LRP8: variants seen among roughly 807,000 people sequenced by gnomAD.
LRP8 encodes the protein low-density lipoprotein receptor-related protein 8.
LRP8 carries 46 observed loss-of-function variants against 111.6 expected under a neutral mutation model. The ratio of observed to expected loss-of-function variants is 0.41; its 90% CI spans 0.33 to 0.53. The LOEUF (loss-of-function observed/expected upper bound fraction) is 0.53, where lower values mean the gene tolerates loss of function less well. Among genes scored for constraint, LRP8 ranks in the 20% least tolerant of loss-of-function variants. The probability of loss-of-function intolerance (pLI) is 0.20; values close to 1 mark genes in which losing one functional copy is unlikely to be tolerated. For synonymous variants in LRP8, 464 were observed against 511.2 expected (o/e 0.91, Z 1.24); for missense variants, 959 against 1,297.4 (o/e 0.74, Z 4.01).
At chr1:53,288,762 C>T (rs998101214) in intron 3 of LRP8, among the ~76,000 whole-genome samples, 5 of 152,190 alleles carry the variant, frequency 3.3e-5, no homozygotes, top group Admixed American at 6.5e-5. Context: ...CTCGGGCTCA[C>T]GCTGCTGAAG....
intron 3 of LRP8, among the ~76,000 whole-genome samples, chr1:53,285,965 G>A (rs552948472): frequency 6.6e-6 from 1 of 152,322 alleles, no homozygotes; most frequent in East Asian, 1.9e-4. Flanking sequence ...TAAATTCCCA[G>A]AGAATCCTGC....
chr1:53,291,661 C>G (rs1249746617), intron 2 of LRP8: 4 of 152,174 alleles, frequency 2.6e-5, no homozygotes, highest in African/African-American at 9.7e-5. Flanking sequence ...GGTTGGCAAA[C>G]TTTTTCTGTG....
Position 53,250,563 on chromosome 1 carries a change from G to T in LRP8, c.2676+127C>A. The T allele has an allele frequency of 1.3e-6, 1 of 751,526 alleles. No individual in the cohort carries two copies. Among genetic ancestry groups the T allele is most frequent in the Non-Finnish European group, 2.2e-6 (1 of 458,166 alleles). The allele number at this position is 751,526 out of a possible 1,614,324, so 46.6% of individuals were successfully genotyped here. ...GGAGGGAAGGACGGAAGGAAAGGAGGGAGGGAAGGACGGAAGGAAGGAAGG... is the reference window on the plus strand; with the variant it reads ...GGAGGGAAGGACGGAAGGAAAGGAGTGAGGGAAGGACGGAAGGAAGGAAGG... On this transcript the variant is annotated intron_variant, in intron 17 of 18. Coordinates refer to ENST00000306052, the MANE Select transcript of LRP8 (RefSeq NM_004631.5). The surrounding 1 kb of genome is among the most constrained non-coding windows in gnomAD (Gnocchi z 4.6).
chr1:53,317,838 G>A lies in LRP8; in HGVS notation c.244+9035C>T, dbSNP rs1465893562. Among the ~76,000 whole-genome samples the A allele has an allele frequency of 6.6e-6, 1 of 152,222 alleles. No individual in the cohort carries two copies. The highest frequency in any genetic ancestry group is 2.4e-5 in the African/African-American group (1 of 41,452). Reference sequence around the variant, plus strand: ...GTGAGTGCAGGAAGAAGGCAGAAGGGAAAGTCACCCAAGGAACCTGGGCCT... The same window carrying A: ...GTGAGTGCAGGAAGAAGGCAGAAGGAAAAGTCACCCAAGGAACCTGGGCCT... On this transcript the variant is annotated intron_variant, in intron 2 of 18. Coordinates refer to ENST00000306052, the MANE Select transcript of LRP8 (RefSeq NM_004631.5). This position sits in a 1 kb window ranked among gnomAD's most constrained non-coding sequence, Gnocchi z 4.9.
Position 53,258,115 on chromosome 1 carries a change from T to C in LRP8, c.2209+204A>G, listed in dbSNP as rs549296056. Reference sequence around the variant, plus strand: ...TTTATGTATATGTGCATTTTTTCCTTGGGAGTGAGAAAAAGCTTTGGAAGG... The same window carrying C: ...TTTATGTATATGTGCATTTTTTCCTCGGGAGTGAGAAAAAGCTTTGGAAGG... On this transcript the variant is annotated intron_variant, in intron 14 of 18. Coordinates refer to ENST00000306052, the MANE Select transcript of LRP8 (RefSeq NM_004631.5). The C allele has an allele frequency of 2.6e-5, 11 of 426,346 alleles. No homozygotes were observed. In the South Asian group the frequency reaches 6.3e-4, roughly 24 times the overall value. 26.4% of individuals were successfully genotyped at this position (426,346 alleles called of 1,614,324 possible).
rs764971327 is a variant in LRP8 at position 53,271,065 on chromosome 1, G to A, written c.1215C>T (p.Tyr405=). Residue 405 remains tyrosine, a synonymous_variant, in exon 8 of 19, where the codon TAC becomes TAT. Coordinates refer to ENST00000306052, the MANE Select transcript of LRP8 (RefSeq NM_004631.5). ...GYFKCECYPG[Y]EMDLLTKNCK... Reference sequence around the variant, plus strand: ...AGTTCTTGGTCAGTAGGTCCATCTCGTAGCCAGGGTAGCACTCACACTTAA... The same window carrying A: ...AGTTCTTGGTCAGTAGGTCCATCTCATAGCCAGGGTAGCACTCACACTTAA... 10 of 1,614,028 alleles carry A rather than the reference G, an allele frequency of 6.2e-6. No homozygotes were observed. The highest frequency in any genetic ancestry group is 3.3e-4 in the Middle Eastern group (2 of 6,062).
Position 53,275,774 on chromosome 1 carries a change from G to T in LRP8, c.884-21C>A. On this transcript the variant is annotated intron_variant, in intron 5 of 18. Transcript: ENST00000306052. The surrounding 1 kb of genome is among the most constrained non-coding windows in gnomAD (Gnocchi z 4.4). ...CAGTGCTGCCAGGAGAGGGCAAGGGGAGAGGATCAGAGTCAGTGTGGTGCT... is the reference window on the plus strand; with the variant it reads ...CAGTGCTGCCAGGAGAGGGCAAGGGTAGAGGATCAGAGTCAGTGTGGTGCT... The T allele has an allele frequency of 1.2e-6, 2 of 1,613,040 alleles. No individual in the cohort carries two copies. Among genetic ancestry groups the T allele is most frequent in the Non-Finnish European group, 1.7e-6 (2 of 1,179,604 alleles).
At chr1:53,327,661 T>C (rs1371689453) in intron 1 of LRP8, 128 bp downstream of exon 1, 2 of 1,279,278 alleles carry the variant, frequency 1.6e-6, no homozygotes, top group East Asian at 3.4e-5. Flanking sequence ...CCGCTTCGCG[T>C]GGAGCCTGTC....
In LRP8 at chr1:53,257,477, T is replaced by C. The variant is rs779464967; in HGVS notation, c.2210-13A>G. ...GTAGATTGAGGTGCTGGAGGGGAAA[T>C]ACCATGGAGGTCACTTGGACAGATA... On this transcript the variant is annotated splice_polypyrimidine_tract_variant and intron_variant, in intron 14 of 18. Transcript: ENST00000306052. The C allele has an allele frequency of 6.2e-7, 1 of 1,604,162 alleles. No individual in the cohort carries two copies. The highest frequency in any genetic ancestry group is 8.5e-7 in the Non-Finnish European group (1 of 1,171,188).
In LRP8 at chr1:53,266,072, GTT is replaced by G. The variant is rs1646543668; in HGVS notation, c.1427+399_1427+400del. Among the ~76,000 whole-genome samples, 1 of 127,930 alleles carries G rather than the reference GTT, an allele frequency of 7.8e-6. No individual in the cohort carries two copies. Among genetic ancestry groups the G allele is most frequent in the Non-Finnish European group, 1.8e-5 (1 of 55,256 alleles). The allele number at this position is 127,930 out of a possible 152,430, so 83.9% of individuals were successfully genotyped here. A position where few individuals can be genotyped will look rare whatever the true frequency, so the allele number is the denominator to read the frequency against. On this transcript the variant is annotated intron_variant, in intron 9 of 18. Transcript: ENST00000306052. This position sits in a 1 kb window ranked among gnomAD's most constrained non-coding sequence, Gnocchi z 5.0. ...GATCATCACAAATGGATGTCACTGT[GTT>G]GTGAGTGGGATCCTCTGGGCAGGGA...
chr1:53,292,005 C>A (rs1288500), intron 2 of LRP8: 109,846 of 152,046 alleles, frequency 0.72, 40,803 homozygotes, highest in East Asian at 0.93. Context: ...GAGCACAGCC[C>A]CCCAGCCTCT....
chr1:53,324,205 AG>A (rs1654857536), intron 2 of LRP8, among the ~76,000 whole-genome samples: 1 of 152,172 alleles, frequency 6.6e-6, no homozygotes. Context: ...GGTTTAATAA[AG>A]AGCTCCTCAG....
intron 2 of LRP8, among the ~76,000 whole-genome samples, chr1:53,318,347 A>G (rs908961475): frequency 6.6e-6 from 1 of 150,916 alleles, no homozygotes; most frequent in African/African-American, 2.4e-5. Context: ...GCTTTGTCCC[A>G]TGGGACCAGA....
chr1:53,250,768 G>A lies in LRP8; in HGVS notation c.2598C>T (p.Tyr866=), dbSNP rs1645871677. The change falls in exon 17 of 19, where the codon TAC becomes TAT. Residue 866 remains tyrosine, a synonymous_variant. Coordinates refer to ENST00000306052, the MANE Select transcript of LRP8 (RefSeq NM_004631.5). This position sits in a 1 kb window ranked among gnomAD's most constrained non-coding sequence, Gnocchi z 4.6. ...CGTCTTCTTCTTCTGTTGTTTTCCT[G>A]TAGACTGGGTTGTCAAAATTCATGC... ...TKSMNFDNPV[Y]RKTTEEEDED... 5 of 1,614,016 alleles carry A rather than the reference G, an allele frequency of 3.1e-6. No individual in the cohort carries two copies. The African/African-American group carries it at 6.7e-5, about 22-fold the overall frequency.
rs536574502 is a variant in LRP8 at position 53,283,421 on chromosome 1, C to T, written c.368-2706G>A. Reference sequence around the variant, plus strand: ...TCATCACATAAGTGGCATACCCGGGCCACTTACTTACTACATACCCGGGCC... The same window carrying T: ...TCATCACATAAGTGGCATACCCGGGTCACTTACTTACTACATACCCGGGCC... On this transcript the variant is annotated intron_variant, in intron 3 of 18. Coordinates refer to ENST00000306052, the MANE Select transcript of LRP8 (RefSeq NM_004631.5). 3.4e-5 allele frequency among the ~76,000 whole-genome samples: 5 copies of T among 148,092 alleles called. No individual in the cohort carries two copies. The South Asian group carries it at 8.8e-4, about 26-fold the overall frequency.
intron 2 of LRP8, among the ~76,000 whole-genome samples, chr1:53,320,482 G>A (rs1212769494): frequency 6.6e-6 from 1 of 152,190 alleles, no homozygotes; most frequent in African/African-American, 2.4e-5. Context: ...AAGCCTGGGT[G>A]CGAGGAGGCA....
At chr1:53,296,408 CCAG>C (rs1224811076) in intron 2 of LRP8, among the ~76,000 whole-genome samples, 1 of 152,252 alleles carries the variant, frequency 6.6e-6, no homozygotes, top group African/African-American at 2.4e-5. Flanking sequence ...ACTTCCTCTC[CCAG>C]GCCTGGGCCA....
rs750425392 is a variant in LRP8, at chr1:53,271,258, G to A, written c.1095C>T (p.Gly365=). ...KIGFECTCPA[G]FQLLDQKTCG... is the part of the protein sequence containing the mutation. ...AGGTCTTCTGGTCCAGGAGCTGGAA[G>A]CCTGCTGGGCACGTGCATTCAAAGC... The change falls in exon 7 of 19, where the codon GGC becomes GGT. Residue 365 remains glycine (G), a synonymous_variant. Transcript: ENST00000306052. 1.2e-6 allele frequency: 2 copies of A among 1,613,854 alleles called. No individual in the cohort carries two copies. Among genetic ancestry groups the A allele is most frequent in the East Asian group, 4.5e-5 (2 of 44,874 alleles).
At chr1:53,271,431 A>G in intron 6 of LRP8, 85 bp from the exon 7 acceptor site, 1 of 1,524,774 alleles carries the variant, frequency 6.6e-7, no homozygotes, top group South Asian at 1.1e-5. Flanking sequence ...GCAGAAGCAG[A>G]GCCTCAGGGC....
Sources: gnomAD v4.1 joint callset for allele counts (sites outside exome capture counted in the v4.1 genomes callset) on GRCh38, gnomAD v4.1.1 for gene constraint, Gnocchi (gnomAD v3.1) non-coding constraint, MANE v1.5 for transcripts, NCBI Gene and HGNC (gene_info 2026-07-23, HGNC 2026-07-21) for gene names.